The following LUZP2 variants were observed in gnomAD, a reference collection of about 807,000 sequenced individuals.
LUZP2 encodes the protein leucine zipper protein 2.
In LUZP2, 52 loss-of-function variants were observed where a neutral mutation model predicts 51.6. The ratio of observed to expected loss-of-function variants is 1.01; its 90% CI spans 0.81 to 1.27. The LOEUF (loss-of-function observed/expected upper bound fraction) is 1.27, where lower values mean the gene tolerates loss of function less well. Among genes scored for constraint, LUZP2 ranks in the 50% most tolerant of loss-of-function variants. LUZP2 has a pLI of 0.00. For synonymous variants in LUZP2, 154 were observed against 137.3 expected (o/e 1.12, Z -0.85); for missense variants, 436 against 395.4 (o/e 1.10, Z -0.87).
intron 4 of LUZP2, among the ~76,000 whole-genome samples, chr11:24,746,852 T>G (rs1331007579): frequency 1.3e-5 from 2 of 152,216 alleles, no homozygotes; most frequent in African/African-American, 2.4e-5. Context: ...ATTGTGAGAC[T>G]TTCCAGAGCA....
chr11:24,761,133 G>T (rs1859962832), intron 4 of LUZP2, among the ~76,000 whole-genome samples: 1 of 152,100 alleles, frequency 6.6e-6, no homozygotes, highest in Admixed American at 6.6e-5. Context: ...ACCTGAGACT[G>T]GGTAATTTAT....
At chr11:24,644,241 A>C (rs1282234485) in intron 1 of LUZP2, among the ~76,000 whole-genome samples, 2 of 152,094 alleles carry the variant, frequency 1.3e-5, no homozygotes, top group Admixed American at 6.6e-5. Context: ...ACTCTTTCTT[A>C]TGTTTCTTAT....
At chr11:24,961,425 G>T (rs994684111) in intron 7 of LUZP2, among the ~76,000 whole-genome samples, 7 of 152,086 alleles carry the variant, frequency 4.6e-5, no homozygotes, top group African/African-American at 1.7e-4. Flanking sequence ...ATGAATCTGG[G>T]TGCTCCTGTA....
chr11:24,893,609 T>A (rs1852925524), intron 5 of LUZP2, among the ~76,000 whole-genome samples: 1 of 152,148 alleles, frequency 6.6e-6, no homozygotes, highest in African/African-American at 2.4e-5. Context: ...TAGTTTTAAA[T>A]ATACACATTT....
intron 1 of LUZP2, among the ~76,000 whole-genome samples, chr11:24,655,916 A>T (rs1396722901): frequency 6.6e-6 from 1 of 152,112 alleles, no homozygotes; most frequent in East Asian, 1.9e-4. Context: ...TTCCCTAACT[A>T]CTTCCTTCAT....
Position 24,519,711 on chromosome 11 carries a change from T to C in LUZP2, c.62+22406T>C, listed in dbSNP as rs1443136174. ...GAATTTCATTTATTTACTATTTTGA[T>C]GTGAAGAATTGCACTTCAGATTTTA... On this transcript the variant is annotated intron_variant, in intron 1 of 11. Coordinates refer to ENST00000336930, the MANE Select transcript of LUZP2 (RefSeq NM_001009909.4). Among the ~76,000 whole-genome samples, 4 of 152,342 alleles carry C rather than the reference T, an allele frequency of 2.6e-5. No individual in the cohort carries two copies. The East Asian group carries it at 7.7e-4, about 29-fold the overall frequency.
At chr11:24,751,558 G>A in intron 4 of LUZP2, 1 of 977,244 alleles carries the variant, frequency 1.0e-6, no homozygotes, top group South Asian at 4.7e-5. Context: ...GAAGGGTGGA[G>A]TCGTAGTACC....
At chr11:25,075,829 C>A (rs964271481) in intron 10 of LUZP2, among the ~76,000 whole-genome samples, 4 of 152,004 alleles carry the variant, frequency 2.6e-5, no homozygotes, top group East Asian at 3.9e-4. Flanking sequence ...CCTTTAAAAT[C>A]TGAATTAGAG....
At chr11:24,722,923 AAAAG>A (rs1392882983) in intron 1 of LUZP2, among the ~76,000 whole-genome samples, 2 of 152,006 alleles carry the variant, frequency 1.3e-5, no homozygotes, top group Non-Finnish European at 2.9e-5. Context: ...TATTAAAAAA[AAAAG>A]AGAGAGAGAG....
At chr11:24,745,389 A>C (rs1387546216) in intron 4 of LUZP2, among the ~76,000 whole-genome samples, 1 of 152,220 alleles carries the variant, frequency 6.6e-6, no homozygotes. Flanking sequence ...TAGGAACTCC[A>C]GTGTTAGGTG....
intron 1 of LUZP2, among the ~76,000 whole-genome samples, chr11:24,680,976 T>TC (rs1565073480): frequency 5.8e-5 from 3 of 51,664 alleles, no homozygotes; most frequent in African/African-American, 2.1e-4. Flanking sequence ...TTTCTTTATT[T>TC]TTTTTTTTTT....
intron 10 of LUZP2, among the ~76,000 whole-genome samples, chr11:25,058,721 T>C (rs1238061330): frequency 1.3e-5 from 2 of 152,208 alleles, no homozygotes; most frequent in Non-Finnish European, 2.9e-5. Context: ...TGGGGGACAT[T>C]GATGTCAGAA....
At chr11:25,020,238 A>T (rs1857292755) in intron 9 of LUZP2, among the ~76,000 whole-genome samples, 3 of 152,186 alleles carry the variant, frequency 2.0e-5, no homozygotes, top group African/African-American at 7.2e-5. Flanking sequence ...GTCTAGTACC[A>T]CATATACTAT....
intron 1 of LUZP2, among the ~76,000 whole-genome samples, chr11:24,664,538 C>T (rs565029327): frequency 5.9e-5 from 9 of 152,174 alleles, no homozygotes; most frequent in Admixed American, 5.2e-4. Context: ...GCACCCTCCT[C>T]CCCCACTCCA....
At chr11:24,959,088 G>T (rs1461824561) in intron 7 of LUZP2, among the ~76,000 whole-genome samples, 1 of 151,922 alleles carries the variant, frequency 6.6e-6, no homozygotes, top group African/African-American at 2.4e-5. Context: ...TATTTCTGAG[G>T]GCTCTGTTCT....
intron 1 of LUZP2, among the ~76,000 whole-genome samples, chr11:24,578,636 A>G (rs1163029775): frequency 6.6e-6 from 1 of 152,096 alleles, no homozygotes. Flanking sequence ...TTGCAGCAAC[A>G]TGGATGCAGC....
chr11:24,734,113 CA>C (rs1348653139), intron 3 of LUZP2, among the ~76,000 whole-genome samples: 1 of 151,670 alleles, frequency 6.6e-6, no homozygotes, highest in Admixed American at 6.6e-5. Flanking sequence ...ATTACTCTGT[CA>C]AACCCATTCA....
At chr11:24,971,080 G>T (rs1000389204) in intron 7 of LUZP2, among the ~76,000 whole-genome samples, 2 of 152,124 alleles carry the variant, frequency 1.3e-5, no homozygotes, top group Non-Finnish European at 2.9e-5. Context: ...TCACTTATAA[G>T]TAGGAGATAA....
At chr11:25,058,158 G>C (rs1418689569) in intron 10 of LUZP2, among the ~76,000 whole-genome samples, 1 of 151,780 alleles carries the variant, frequency 6.6e-6, no homozygotes, top group Non-Finnish European at 1.5e-5. Flanking sequence ...GTCCTACTGT[G>C]GTATTTTTTT....
Sources: gnomAD v4.1 joint callset for allele counts (sites outside exome capture counted in the v4.1 genomes callset) on GRCh38, gnomAD v4.1.1 for gene constraint, MANE v1.5 for transcripts, NCBI Gene and HGNC (gene_info 2026-07-23, HGNC 2026-07-21) for gene names.